Variants in KCNA6 observed in about 807,000 individuals in gnomAD.
KCNA6 encodes potassium voltage-gated channel subfamily A member 6, also known as human brain potassium channel-2.
In KCNA6, 17 loss-of-function variants were observed where a neutral mutation model predicts 29.5. That is an observed-to-expected ratio of 0.58 (90% CI 0.39 to 0.86). The LOEUF is 0.86. Among genes scored for constraint, KCNA6 ranks in the 40% least tolerant of loss-of-function variants. The probability of loss-of-function intolerance (pLI) is 0.00; values close to 1 mark genes in which losing one functional copy is unlikely to be tolerated. For missense variants in KCNA6, 450 were observed against 703.4 expected, an observed-to-expected ratio of 0.64 and a Z score of 4.07; for synonymous variants, 296 against 304.7, an observed-to-expected ratio of 0.97 and a Z score of 0.30.
At chr12:4,840,658 C>T in the KCNA6 span, among the ~76,000 whole-genome samples, 2 of 152,246 alleles carry the variant, frequency 1.3e-5, no homozygotes, top group Non-Finnish European at 2.9e-5. Context: ...TTGAGCCTAA[C>T]TCCAATGAGA....
At chr12:4,843,919 C>T in the KCNA6 span, among the ~76,000 whole-genome samples, 1 of 152,134 alleles carries the variant, frequency 6.6e-6, no homozygotes, top group Non-Finnish European at 1.5e-5. Context: ...TTACATTTGA[C>T]ATAAAGTTTG....
At chr12:4,822,863 G>A in the KCNA6 span, among the ~76,000 whole-genome samples, 6 of 152,186 alleles carry the variant, frequency 3.9e-5, no homozygotes, top group Non-Finnish European at 8.8e-5. Flanking sequence ...GCCCGGATTC[G>A]ATCTTGCCTC....
the KCNA6 span, among the ~76,000 whole-genome samples, chr12:4,840,195 TTATC>T: frequency 0.17 from 25,075 of 149,558 alleles, 2,236 homozygotes; most frequent in East Asian, 0.21. Flanking sequence ...ATGATGATTA[TTATC>T]TATCTATCTA....
chr12:4,823,213 G>A, the KCNA6 span, among the ~76,000 whole-genome samples: 1 of 152,076 alleles, frequency 6.6e-6, no homozygotes, highest in South Asian at 2.1e-4. Context: ...CTTTTTAATA[G>A]AAGTGAGCCC....
chr12:4,834,151 T>A, the KCNA6 span, among the ~76,000 whole-genome samples: 171 of 152,140 alleles, frequency 1.1e-3, 1 homozygote, highest in African/African-American at 4.0e-3. Flanking sequence ...CCCAGGTTGG[T>A]CTGAAACTCC....
chr12:4,828,317 T>A, the KCNA6 span, among the ~76,000 whole-genome samples: 1 of 152,264 alleles, frequency 6.6e-6, no homozygotes, highest in Non-Finnish European at 1.5e-5. Context: ...AAAAGCTTCA[T>A]ATTATGTCTC....
In KCNA6 at chr12:4,810,805, G is replaced by C; in HGVS notation, c.764G>C (p.Gly255Ala). The C allele has an allele frequency of 6.3e-7, 1 of 1,591,510 alleles. No individual in the cohort carries two copies. The highest frequency in any genetic ancestry group is 8.6e-7 in the Non-Finnish European group (1 of 1,169,314). The stretch of plus-strand genomic sequence containing the variant: ...GGCTCCTCCTCACTCAGTACTCTTG[G>C]GGGCTCCTTCTTTACAGACCCCTTC... The change falls in exon 1 of 1, where the codon GGG becomes GCG. Residue 255 changes from glycine to alanine, a missense_variant. Physicochemically the swap from Gly to Ala is moderately conservative, Grantham distance 60. Around this residue, in one of 7 missense-constraint regions of KCNA6, gnomAD observed 74 missense variants for 71.5 expected, o/e 1.03. Transcript: ENST00000280684. The surrounding 1 kb of genome is among the most constrained non-coding windows in gnomAD (Gnocchi z 7.5).
At chr12:4,827,996 T>C in the KCNA6 span, among the ~76,000 whole-genome samples, 1 of 152,244 alleles carries the variant, frequency 6.6e-6, no homozygotes, top group Non-Finnish European at 1.5e-5. Flanking sequence ...CATCGAAAAT[T>C]ACCCCAATTT....
At position 4,811,436 on chromosome 12, in the gene KCNA6, C is replaced by T; in HGVS notation, c.1395C>T (p.Tyr465=). 1 of 1,614,206 alleles carries T rather than the reference C, an allele frequency of 6.2e-7. No individual in the cohort carries two copies. Among genetic ancestry groups the T allele is most frequent in the Non-Finnish European group, 8.5e-7 (1 of 1,180,030 alleles). ...TCGTCTCCAACTTCAACTACTTCTA[C>T]CACCGGGAGACGGAGCAGGAGGAGC... is the stretch of plus-strand genomic sequence containing the variant. The change falls in exon 1 of 1, where the codon TAC becomes TAT. Residue 465 remains tyrosine, a synonymous_variant. Transcript: ENST00000280684. The surrounding 1 kb of genome is among the most constrained non-coding windows in gnomAD (Gnocchi z 7.1).
the KCNA6 span, among the ~76,000 whole-genome samples, chr12:4,843,460 G>A: frequency 3.3e-5 from 5 of 152,166 alleles, no homozygotes; most frequent in Non-Finnish European, 7.3e-5. Flanking sequence ...GACTACAGGC[G>A]TGAGCCACTG....
At chr12:4,840,402 A>G in the KCNA6 span, among the ~76,000 whole-genome samples, 2 of 152,172 alleles carry the variant, frequency 1.3e-5, no homozygotes, top group Non-Finnish European at 2.9e-5. Flanking sequence ...ATCACTCATC[A>G]TTAGAGAAAT....
exon 1 of KCNA6, chr12:4,812,783 A>G (rs1255129113): frequency 6.0e-6 from 1 of 167,100 alleles, no homozygotes; most frequent in Admixed American, 6.5e-5. Context: ...AGGAACAAGC[A>G]TTATTCCTTT....
chr12:4,846,737 G>A, the KCNA6 span, among the ~76,000 whole-genome samples: 1 of 139,728 alleles, frequency 7.2e-6, no homozygotes, highest in Non-Finnish European at 1.5e-5. Flanking sequence ...GTCTAGGCCT[G>A]TTGCTTCACC....
chr12:4,846,843 A>G, the KCNA6 span, among the ~76,000 whole-genome samples: 3 of 135,676 alleles, frequency 2.2e-5, no homozygotes, highest in East Asian at 4.3e-4. Context: ...CCATGGTGCT[A>G]TCTCAGCTCA....
chr12:4,846,253 C>T, the KCNA6 span, among the ~76,000 whole-genome samples: 1 of 152,112 alleles, frequency 6.6e-6, no homozygotes, highest in African/African-American at 2.4e-5. Context: ...GATGCTAGAC[C>T]TGTAACATAC....
At chr12:4,825,056 T>TA in the KCNA6 span, among the ~76,000 whole-genome samples, 4 of 152,214 alleles carry the variant, frequency 2.6e-5, no homozygotes. Flanking sequence ...ATCCATAATA[T>TA]AGACTCCTTC....
chr12:4,834,213 G>A, the KCNA6 span, among the ~76,000 whole-genome samples: 1 of 152,118 alleles, frequency 6.6e-6, no homozygotes, highest in African/African-American at 2.4e-5. Context: ...GGGATTACAG[G>A]TGTGAGCCAC....
exon 1 of KCNA6, chr12:4,809,511 C>T (rs1946598928): frequency 6.6e-6 from 1 of 151,918 alleles, no homozygotes; most frequent in African/African-American, 2.4e-5. Context: ...TTGGCCGGAC[C>T]CAGCCCCGCG....
At chr12:4,832,539 C>T in the KCNA6 span, among the ~76,000 whole-genome samples, 23,666 of 152,156 alleles carry the variant, frequency 0.16, 1,939 homozygotes, top group Non-Finnish European at 0.17. Flanking sequence ...CCTCTGGCCC[C>T]TCTGTTCATT....
Sources: gnomAD v4.1 joint callset for allele counts (sites outside exome capture counted in the v4.1 genomes callset) on GRCh38, gnomAD v4.1.1 for gene constraint, gnomAD v4.1.1 regional missense constraint, Gnocchi (gnomAD v3.1) non-coding constraint, MANE v1.5 for transcripts, NCBI Gene and HGNC (gene_info 2026-07-23, HGNC 2026-07-21) for gene names.